FBN2: variants seen among roughly 807,000 people sequenced by gnomAD.
FBN2 encodes fibrillin 2.
In FBN2, 105 loss-of-function variants were observed where a neutral mutation model predicts 355.6. The ratio of observed to expected loss-of-function variants is 0.30; its 90% confidence interval spans 0.25 to 0.35. The LOEUF (loss-of-function observed/expected upper bound fraction) is 0.35. Among genes scored for constraint, FBN2 ranks in the 10% least tolerant of loss-of-function variants. The probability of loss-of-function intolerance (pLI) is 1.00; values close to 1 mark genes in which losing one functional copy is unlikely to be tolerated. For missense variants in FBN2, 3,280 were observed against 3,758.7 expected, an observed-to-expected ratio of 0.87 and a Z score of 3.33; for synonymous variants, 1,350 against 1,301.2, an observed-to-expected ratio of 1.04 and a Z score of -0.81.
intron 15 of FBN2, among the ~76,000 whole-genome samples, chr5:128,369,876 T>G (rs1326426842): frequency 2.0e-5 from 3 of 152,306 alleles, no homozygotes; most frequent in African/African-American, 7.2e-5. Context: ...TAAATCCAGT[T>G]ATAAAAATAG....
At chr5:128,460,779 T>C (rs1320951236) in intron 6 of FBN2, among the ~76,000 whole-genome samples, 1 of 152,146 alleles carries the variant, frequency 6.6e-6, no homozygotes, top group Non-Finnish European at 1.5e-5. Flanking sequence ...AATTAGTAAA[T>C]GGTGCTGGGA....
At chr5:128,421,438 G>A (rs1753348507) in intron 7 of FBN2, among the ~76,000 whole-genome samples, 1 of 152,116 alleles carries the variant, frequency 6.6e-6, no homozygotes, top group South Asian at 2.1e-4. Context: ...ATGGCAATAA[G>A]TTTCATTATT....
intron 15 of FBN2, among the ~76,000 whole-genome samples, chr5:128,371,590 G>A (rs558693760): frequency 1.9e-4 from 28 of 145,072 alleles, no homozygotes; most frequent in Admixed American, 1.7e-3. Flanking sequence ...GTGCAATGGC[G>A]TGGCATGATC....
At position 128,334,711 on chromosome 5, in the gene FBN2, A is replaced by G. The variant is rs765204163; in HGVS notation, c.4099+8T>C. 4.3e-6 allele frequency: 7 copies of G among 1,614,036 alleles called. No individual in the cohort carries two copies. In the East Asian group the frequency reaches 1.6e-4, roughly 36 times the overall value. On this transcript the variant is annotated splice_region_variant and intron_variant, in intron 31 of 64. Transcript: ENST00000262464. The stretch of plus-strand genomic sequence containing the variant: ...TTGAAATACAGAGAACACAAGCTTG[A>G]AACCTACCTGTACATCCTGTGGTCC...
intron 5 of FBN2, among the ~76,000 whole-genome samples, chr5:128,514,948 C>A (rs751841391): frequency 3.3e-5 from 5 of 152,176 alleles, no homozygotes; most frequent in Non-Finnish European, 7.3e-5. Context: ...GTAATACCAG[C>A]TTGTTCTCGT....
chr5:128,445,067 G>C (rs1283145382), intron 7 of FBN2, among the ~76,000 whole-genome samples: 1 of 152,156 alleles, frequency 6.6e-6, no homozygotes, highest in African/African-American at 2.4e-5. Context: ...TAATGTGGGT[G>C]CTTCTTCAGG....
chr5:128,510,259 A>T (rs1010689681), intron 5 of FBN2, among the ~76,000 whole-genome samples: 1 of 152,208 alleles, frequency 6.6e-6, no homozygotes, highest in Non-Finnish European at 1.5e-5. Context: ...CAAAAAAAGA[A>T]AAAAGAAAAA....
chr5:128,441,135 G>T (rs1294699160), intron 7 of FBN2, among the ~76,000 whole-genome samples: 1 of 152,098 alleles, frequency 6.6e-6, no homozygotes, highest in African/African-American at 2.4e-5. Context: ...ATTTTTTCAG[G>T]GCAGACAGAT....
At chr5:128,381,969 A>C (rs1752245775) in intron 11 of FBN2, among the ~76,000 whole-genome samples, 3 of 152,040 alleles carry the variant, frequency 2.0e-5, no homozygotes. Context: ...TTTCTTTTAT[A>C]ATCATAGTGG....
At position 128,330,631 on chromosome 5, in the gene FBN2, C is replaced by A. The variant is rs761049150; in HGVS notation, c.4287G>T (p.Pro1429=). 1.9e-6 allele frequency: 3 copies of A among 1,613,930 alleles called. No homozygotes were observed. The change falls in exon 33 of 65, where the codon CCG becomes CCT. Residue 1429 remains proline (P), a synonymous_variant. Transcript: ENST00000262464. ...CGGAGCAGGCACAGCGGTATGAGCC[C>A]GGGGTATTTACACACTGAGCATTGA... The part of the protein sequence containing the change: ...CSINAQCVNT[P]GSYRCACSEG...
At chr5:128,350,618 C>T (rs1021195068) in intron 21 of FBN2, among the ~76,000 whole-genome samples, 1 of 152,192 alleles carries the variant, frequency 6.6e-6, no homozygotes, top group African/African-American at 2.4e-5. Flanking sequence ...CCAGAGGATA[C>T]AGTCATCTAG....
chr5:128,474,184 T>C (rs1004140427), intron 5 of FBN2, among the ~76,000 whole-genome samples: 25 of 152,190 alleles, frequency 1.6e-4, no homozygotes, highest in Admixed American at 1.2e-3. Context: ...CCAATTAACT[T>C]ACTTTAAGGA....
At chr5:128,457,421 G>A (rs1372502687) in intron 6 of FBN2, among the ~76,000 whole-genome samples, 1 of 152,052 alleles carries the variant, frequency 6.6e-6, no homozygotes, top group Non-Finnish European at 1.5e-5. Flanking sequence ...TAGCAAGACA[G>A]GCCAACAGGC....
At chr5:128,385,484 C>T (rs575758832) in intron 11 of FBN2, among the ~76,000 whole-genome samples, 3 of 152,190 alleles carry the variant, frequency 2.0e-5, no homozygotes, top group East Asian at 1.9e-4. Flanking sequence ...GCTGTTTCCA[C>T]ATCTTTATAT....
chr5:128,389,736 T>G (rs1452872529), intron 11 of FBN2, among the ~76,000 whole-genome samples: 3 of 152,176 alleles, frequency 2.0e-5, no homozygotes, highest in Non-Finnish European at 4.4e-5. Context: ...GCAGGTAGGA[T>G]TCCAGAGACC....
intron 48 of FBN2, among the ~76,000 whole-genome samples, chr5:128,299,434 C>CGCTGCTCCCTT (rs61307257): frequency 8.1e-6 from 1 of 122,944 alleles, no homozygotes. Flanking sequence ...CCCCCAGCCT[C>CGCTGCTCCCTT]ACAGTTTGAT....
At chr5:128,350,514 G>A (rs915273273) in intron 21 of FBN2, among the ~76,000 whole-genome samples, 1 of 152,192 alleles carries the variant, frequency 6.6e-6, no homozygotes, top group Admixed American at 6.5e-5. Flanking sequence ...TCACGCCACT[G>A]CACTCCAGCC....
intron 8 of FBN2, among the ~76,000 whole-genome samples, chr5:128,402,046 G>A (rs1752811840): frequency 6.6e-6 from 1 of 152,168 alleles, no homozygotes; most frequent in South Asian, 2.1e-4. Flanking sequence ...GCATCTCACA[G>A]TTAAGGTCTC....
intron 31 of FBN2, among the ~76,000 whole-genome samples, chr5:128,333,576 A>T (rs1231529146): frequency 6.6e-6 from 1 of 152,050 alleles, no homozygotes; most frequent in Non-Finnish European, 1.5e-5. Flanking sequence ...CTATTCATTT[A>T]GGTGTATATT....
Sources: gnomAD v4.1 joint callset for allele counts (sites outside exome capture counted in the v4.1 genomes callset) on GRCh38, gnomAD v4.1.1 for gene constraint, MANE v1.5 for transcripts, NCBI Gene and HGNC (gene_info 2026-07-23, HGNC 2026-07-21) for gene names.